Variants in RREB1 observed in about 807,000 individuals in gnomAD.
The protein encoded by RREB1 is ras-responsive element-binding protein 1.
A neutral mutation model predicts 117.8 loss-of-function variants in RREB1; 27 were observed. The observed-to-expected ratio is 0.23, with a 90% CI of 0.17 to 0.32. The LOEUF (loss-of-function observed/expected upper bound fraction) is 0.32, where lower values mean the gene tolerates loss of function less well. Ranked by LOEUF, RREB1 falls within the 10% of genes least tolerant of loss-of-function variation. RREB1 has a pLI of 1.00. For synonymous variants in RREB1, 1,298 were observed against 1,026.7 expected (o/e 1.26, Z -5.05); for missense variants, 2,577 against 2,378.2 (o/e 1.08, Z -1.74).
At chr6:7,161,892 T>C (rs1436035819) in intron 1 of RREB1, among the ~76,000 whole-genome samples, 1 of 152,222 alleles carries the variant, frequency 6.6e-6, no homozygotes, top group Non-Finnish European at 1.5e-5. Context: ...GATTGTCCAT[T>C]TTTAAATCTG....
At chr6:7,177,126 C>T (rs1581494763) in intron 2 of RREB1, among the ~76,000 whole-genome samples, 1 of 144,580 alleles carries the variant, frequency 6.9e-6, no homozygotes, top group Non-Finnish European at 1.5e-5. Context: ...GGCTGAGGCA[C>T]GAGAATCGCT....
At chr6:7,156,546 A>G (rs1399155922) in intron 1 of RREB1, among the ~76,000 whole-genome samples, 2 of 152,320 alleles carry the variant, frequency 1.3e-5, no homozygotes, top group African/African-American at 4.8e-5. Flanking sequence ...TTAGAGCTGC[A>G]AAATTCACCC....
At position 7,230,184 on chromosome 6, in the gene RREB1, G is replaced by A. The variant is rs201618555; in HGVS notation, c.2085G>A (p.Gly695=). 8 of 1,606,500 alleles carry A rather than the reference G, an allele frequency of 5.0e-6. No individual in the cohort carries two copies. The highest frequency in any genetic ancestry group is 5.9e-6 in the Non-Finnish European group (7 of 1,179,900). The change falls in exon 10 of 13, where the codon GGG becomes GGA. Residue 695 remains glycine, a synonymous_variant. Transcript: ENST00000379938. ...TCCGCCACCTGCGCACGCACAGTGG[G>A]GAGCGGCCCTACATTTGCAAGATCT... ...ALIRHLRTHS[G]ERPYICKICH...
chr6:7,206,769 G>A, intron 6 of RREB1, among the ~76,000 whole-genome samples: 1 of 152,318 alleles, frequency 6.6e-6, no homozygotes, highest in Admixed American at 6.5e-5. Context: ...AACCTGGACG[G>A]CAGGAGCCAG....
intron 11 of RREB1, among the ~76,000 whole-genome samples, chr6:7,243,452 G>GT: frequency 6.6e-6 from 1 of 152,276 alleles, no homozygotes; most frequent in East Asian, 1.9e-4. Context: ...TATTTTTAAG[G>GT]TAGCATTGCT....
intron 2 of RREB1, among the ~76,000 whole-genome samples, chr6:7,178,145 C>G (rs1236468378): frequency 6.6e-6 from 1 of 152,118 alleles, no homozygotes. Flanking sequence ...CAGGTGTGAG[C>G]CACCACACCT....
chr6:7,244,793 T>G (rs9505093), intron 11 of RREB1, among the ~76,000 whole-genome samples: 4,301 of 152,246 alleles, frequency 0.028, 190 homozygotes, highest in African/African-American at 0.094. Context: ...CCCAAGCAGG[T>G]GTGAACAGTA....
chr6:7,231,969 T>TG, intron 10 of RREB1, 62 bp downstream of exon 10: 4 of 1,491,280 alleles, frequency 2.7e-6, no homozygotes, highest in South Asian at 1.3e-5. Flanking sequence ...GAGCCACGAG[T>TG]GGGGGTCAAA....
intron 6 of RREB1, among the ~76,000 whole-genome samples, chr6:7,189,773 G>C (rs1465959116): frequency 6.6e-6 from 1 of 152,190 alleles, no homozygotes; most frequent in Admixed American, 6.5e-5. Context: ...TGGTCCTGGA[G>C]CTTCAGGATA....
chr6:7,201,022 G>C (rs1286808725), intron 6 of RREB1, among the ~76,000 whole-genome samples: 1 of 152,198 alleles, frequency 6.6e-6, no homozygotes, highest in Non-Finnish European at 1.5e-5. Context: ...CTGGAACATC[G>C]TGCTTGCCCA....
chr6:7,229,676 C>T lies in RREB1; in HGVS notation c.1577C>T (p.Pro526Leu), dbSNP rs773021437. 6.2e-7 allele frequency: 1 copy of T among 1,611,990 alleles called. No homozygotes were observed. The highest frequency in any genetic ancestry group is 8.5e-7 in the Non-Finnish European group (1 of 1,179,292). Residue 526 changes from proline to leucine, a missense_variant, in exon 10 of 13, where the codon CCT becomes CTT. Pro to Leu is a moderately conservative substitution (Grantham distance 98). Coordinates refer to ENST00000379938, the MANE Select transcript of RREB1 (RefSeq NM_001003699.4). The surrounding 1 kb of genome is among the most constrained non-coding windows in gnomAD (Gnocchi z 4.5). ...GTGGTGGCCACCTCCACGCCCCCGC[C>T]TCTCATCAACGCCCAGCAGGCTTCC... ...RTVVATSTPP[P>L]LINAQQASPG...
intron 1 of RREB1, among the ~76,000 whole-genome samples, chr6:7,130,473 GTC>G (rs1405687670): frequency 2.0e-5 from 3 of 152,132 alleles, no homozygotes; most frequent in South Asian, 2.1e-4. Flanking sequence ...TCTGCTGGGA[GTC>G]TCTGCCTGGT....
chr6:7,109,300 C>T (rs981751853), intron 1 of RREB1, among the ~76,000 whole-genome samples: 1 of 152,052 alleles, frequency 6.6e-6, no homozygotes, highest in African/African-American at 2.4e-5. Flanking sequence ...GGGCCCCCCG[C>T]GCCCCCTCCC....
Position 7,231,865 on chromosome 6 carries a change from C to T in RREB1, c.3766C>T (p.Pro1256Ser), listed in dbSNP as rs1377356738. The change falls in exon 10 of 13, where the codon CCT (proline) becomes TCT (serine). Residue 1256 changes from proline (P) to serine (S), a missense_variant. Coordinates refer to ENST00000379938, the MANE Select transcript of RREB1 (RefSeq NM_001003699.4). ...ITCPHCPRVF[P>S]WASSLQRHML... The stretch of plus-strand genomic sequence containing the variant: ...CTGTCCCCACTGTCCCCGGGTTTTC[C>T]CTTGGGCCAGCTCCCTACAGAGGCA... 1.2e-6 allele frequency: 2 copies of T among 1,612,766 alleles called. No individual in the cohort carries two copies. Among genetic ancestry groups the T allele is most frequent in the Admixed American group, 3.3e-5 (2 of 59,960 alleles).
chr6:7,113,269 G>C (rs747475620), intron 1 of RREB1, among the ~76,000 whole-genome samples: 13 of 152,138 alleles, frequency 8.5e-5, no homozygotes, highest in Admixed American at 7.9e-4. Flanking sequence ...AAGAGAAAAC[G>C]TCTCAGTGGG....
rs1214823835 is a variant in RREB1, at chr6:7,231,453, T to C, written c.3354T>C (p.Ala1118=). The C allele has an allele frequency of 4.3e-6, 7 of 1,612,670 alleles. No homozygotes were observed. The highest frequency in any genetic ancestry group is 4.0e-5 in the African/African-American group (3 of 74,578). The change falls in exon 10 of 13, where the codon GCT becomes GCC. Residue 1118 remains alanine, a synonymous_variant. Transcript: ENST00000379938. ...AAGCCGCCACCACCGCCACCCCCGC[T>C]GCCACCACCAGCCCAAAAGAGTCTA... is the stretch of plus-strand genomic sequence containing the variant. ...VPKAATTATP[A]ATTSPKESSE...
intron 6 of RREB1, among the ~76,000 whole-genome samples, chr6:7,199,699 T>C (rs936745998): frequency 6.6e-6 from 1 of 152,094 alleles, no homozygotes; most frequent in Non-Finnish European, 1.5e-5. Context: ...GGTCTCACTC[T>C]GTCTCCCAGG....
At chr6:7,123,162 G>GTT (rs149980483) in intron 1 of RREB1, among the ~76,000 whole-genome samples, 59 of 145,298 alleles carry the variant, frequency 4.1e-4, no homozygotes, top group African/African-American at 1.4e-3. Flanking sequence ...AGTTGAATGT[G>GTT]TTTTTTTTTT....
chr6:7,248,744 G>A lies in RREB1; in HGVS notation c.5005G>A (p.Val1669Ile). Residue 1669 changes from valine to isoleucine, a missense_variant, in exon 13 of 13, where the codon GTC becomes ATC. Transcript: ENST00000379938. ...TCCCAATGCCAGCAACCACATGGCT[G>A]TCACCCGGAGCCGGAAGGAGGGCTT... ...LAPNASNHMA[V>I]TRSRKEGLAS... 6.2e-7 allele frequency: 1 copy of A among 1,614,138 alleles called. No homozygotes were observed. Among genetic ancestry groups the A allele is most frequent in the Non-Finnish European group, 8.5e-7 (1 of 1,180,030 alleles).
Sources: allele counts gnomAD v4.1 joint callset (sites outside exome capture counted in the v4.1 genomes callset), GRCh38; gene constraint gnomAD v4.1.1; non-coding constraint Gnocchi (gnomAD v3.1); transcripts MANE v1.5; gene names NCBI Gene and HGNC (gene_info 2026-07-23, HGNC 2026-07-21).